Variants in NRXN1 observed in about 807,000 individuals in gnomAD.
The protein encoded by NRXN1 is neurexin 1, also known as neurexin-1.
Under a neutral mutation model 150.9 loss-of-function variants are expected in NRXN1, and 39 were observed. That is an observed-to-expected ratio of 0.26 (90% CI 0.20 to 0.34). NRXN1 has a LOEUF of 0.34. NRXN1 is among the 10% of genes least tolerant of loss of function. The pLI, the probability that NRXN1 is intolerant of heterozygous loss-of-function variation, is 1.00. For synonymous variants in NRXN1, 924 were observed against 757.0 expected (o/e 1.22, Z -3.62); for missense variants, 1,815 against 1,949.9 (o/e 0.93, Z 1.30).
intron 5 of NRXN1, among the ~76,000 whole-genome samples, chr2:50,663,974 G>A (rs1409362770): frequency 6.6e-6 from 1 of 151,858 alleles, no homozygotes; most frequent in African/African-American, 2.4e-5. Context: ...ACCATCTCTA[G>A]GAAAATTGTT....
chr2:49,927,770 C>T (rs1393668818), intron 22 of NRXN1, among the ~76,000 whole-genome samples: 12 of 152,122 alleles, frequency 7.9e-5, no homozygotes, highest in Admixed American at 7.9e-4. Context: ...TTCACCAAGG[C>T]ATTAGCATGC....
At chr2:50,152,984 G>C (rs1226152560) in intron 18 of NRXN1, among the ~76,000 whole-genome samples, 1 of 151,116 alleles carries the variant, frequency 6.6e-6, no homozygotes, top group Admixed American at 6.6e-5. Flanking sequence ...TGTTCTATAG[G>C]TTCCTTAGGC....
chr2:50,006,126 C>CT (rs1684719251), intron 21 of NRXN1, among the ~76,000 whole-genome samples: 1 of 152,108 alleles, frequency 6.6e-6, no homozygotes, highest in African/African-American at 2.4e-5. Flanking sequence ...TTCCCTTTCT[C>CT]TTTGGTATCT....
chr2:50,050,414 A>T (rs773297055), intron 21 of NRXN1, among the ~76,000 whole-genome samples: 1 of 152,062 alleles, frequency 6.6e-6, no homozygotes, highest in African/African-American at 2.4e-5. Context: ...CCCAAGGTAC[A>T]TTGCCATTGT....
chr2:50,932,633 A>G (rs901364366), intron 2 of NRXN1, among the ~76,000 whole-genome samples: 1 of 152,108 alleles, frequency 6.6e-6, no homozygotes, highest in Non-Finnish European at 1.5e-5. Context: ...TACAGTGTAC[A>G]CTGCTCGGGT....
intron 2 of NRXN1, among the ~76,000 whole-genome samples, chr2:50,937,685 G>C (rs1688754169): frequency 6.6e-6 from 1 of 152,112 alleles, no homozygotes. Flanking sequence ...TGATGATGCA[G>C]AATACAACTG....
At chr2:50,989,330 A>C (rs1299440299) in intron 2 of NRXN1, among the ~76,000 whole-genome samples, 2 of 152,000 alleles carry the variant, frequency 1.3e-5, no homozygotes, top group African/African-American at 4.8e-5. Flanking sequence ...GTTATTTATG[A>C]GATATAATTT....
At chr2:50,693,676 T>C (rs1240160825) in intron 5 of NRXN1, among the ~76,000 whole-genome samples, 1 of 152,184 alleles carries the variant, frequency 6.6e-6, no homozygotes, top group African/African-American at 2.4e-5. Flanking sequence ...AAAGAGATGG[T>C]AACTAGGACC....
chr2:50,418,119 T>G (rs2083688438), intron 17 of NRXN1, among the ~76,000 whole-genome samples: 1 of 151,950 alleles, frequency 6.6e-6, no homozygotes, highest in Admixed American at 6.6e-5. Context: ...CAAAAGGATT[T>G]TATTTCCTTT....
intron 5 of NRXN1, among the ~76,000 whole-genome samples, chr2:50,775,202 G>A (rs1454002514): frequency 6.6e-6 from 1 of 152,016 alleles, no homozygotes; most frequent in Non-Finnish European, 1.5e-5. Flanking sequence ...AAATAATACT[G>A]TCTATCAGTT....
At chr2:50,265,148 G>A (rs1032504734) in intron 17 of NRXN1, among the ~76,000 whole-genome samples, 1 of 151,986 alleles carries the variant, frequency 6.6e-6, no homozygotes, top group East Asian at 1.9e-4. Flanking sequence ...ATTTCTGGGG[G>A]ACTTTTCATA....
chr2:50,345,255 A>G (rs1203163107), intron 17 of NRXN1, among the ~76,000 whole-genome samples: 1 of 152,172 alleles, frequency 6.6e-6, no homozygotes, highest in Non-Finnish European at 1.5e-5. Flanking sequence ...ATGCTCCCAA[A>G]GAGGGCTTGC....
At chr2:50,514,985 C>T (rs865804258) in intron 12 of NRXN1, among the ~76,000 whole-genome samples, 1 of 152,100 alleles carries the variant, frequency 6.6e-6, no homozygotes, top group Non-Finnish European at 1.5e-5. Flanking sequence ...AGCCCGGGCT[C>T]CCCACCCCCC....
At chr2:50,742,141 A>T (rs1011556924) in intron 5 of NRXN1, among the ~76,000 whole-genome samples, 5 of 152,174 alleles carry the variant, frequency 3.3e-5, no homozygotes, top group Admixed American at 2.6e-4. Context: ...CCATTTTAAC[A>T]ATTTATGCTC....
chr2:50,735,118 T>C (rs183039900), intron 5 of NRXN1, among the ~76,000 whole-genome samples: 128 of 152,298 alleles, frequency 8.4e-4, no homozygotes, highest in African/African-American at 3.0e-3. Flanking sequence ...GCCAGAATTT[T>C]ACACTTCTCA....
chr2:50,904,266 A>G (rs1683354318), intron 5 of NRXN1, among the ~76,000 whole-genome samples: 1 of 152,148 alleles, frequency 6.6e-6, no homozygotes, highest in Non-Finnish European at 1.5e-5. Context: ...GTATAATAAT[A>G]ATTTTAAAAA....
intron 17 of NRXN1, among the ~76,000 whole-genome samples, chr2:50,245,332 C>G (rs2066398806): frequency 6.6e-6 from 1 of 151,814 alleles, no homozygotes; most frequent in Admixed American, 6.6e-5. Context: ...GCAAAGTGAT[C>G]TAGAATTAAA....
chr2:50,386,593 T>A (rs1038706035), intron 17 of NRXN1, among the ~76,000 whole-genome samples: 1 of 151,376 alleles, frequency 6.6e-6, no homozygotes, highest in Non-Finnish European at 1.5e-5. Flanking sequence ...ATTGAGACCT[T>A]CAAGCAAATT....
chr2:50,239,382 A>C (rs538832141), intron 17 of NRXN1, among the ~76,000 whole-genome samples: 202 of 151,578 alleles, frequency 1.3e-3, no homozygotes, highest in African/African-American at 4.8e-3. Flanking sequence ...ATGCTATTTA[A>C]TGATATAAAA....
Sources: gnomAD v4.1 joint callset for allele counts (sites outside exome capture counted in the v4.1 genomes callset) on GRCh38, gnomAD v4.1.1 for gene constraint, MANE v1.5 for transcripts, NCBI Gene and HGNC (gene_info 2026-07-23, HGNC 2026-07-21) for gene names.